STRN: variants seen among roughly 807,000 people sequenced by gnomAD.
STRN encodes the protein striatin.
STRN carries 53 observed loss-of-function variants against 96.3 expected under a neutral mutation model. That is an observed-to-expected ratio of 0.55 (90% CI 0.44 to 0.69). STRN has a LOEUF of 0.69. STRN is among the 30% of genes least tolerant of loss of function. STRN has a pLI of 0.00. For synonymous variants in STRN, 428 were observed against 355.9 expected, an observed-to-expected ratio of 1.20 and a Z score of -2.28; for missense variants, 987 against 963.9, an observed-to-expected ratio of 1.02 and a Z score of -0.32.
chr2:36,875,964 A>AT (rs76479105), intron 10 of STRN, among the ~76,000 whole-genome samples: 1 of 152,020 alleles, frequency 6.6e-6, no homozygotes, highest in Non-Finnish European at 1.5e-5. Context: ...CTTACAAATG[A>AT]TTTTTTTTAA....
intron 5 of STRN, among the ~76,000 whole-genome samples, chr2:36,900,934 C>T (rs1165376001): frequency 6.6e-6 from 1 of 151,056 alleles, no homozygotes; most frequent in Non-Finnish European, 1.5e-5. Flanking sequence ...AGTAAAGATT[C>T]CAATGGCCAG....
At chr2:36,878,702 T>G (rs1464973621) in intron 9 of STRN, among the ~76,000 whole-genome samples, 1 of 152,166 alleles carries the variant, frequency 6.6e-6, no homozygotes, top group Non-Finnish European at 1.5e-5. Context: ...AGCACTCTTC[T>G]GTAGGTATAT....
chr2:36,965,195 TAAAAC>T (rs1665129207), intron 1 of STRN, among the ~76,000 whole-genome samples: 1 of 152,100 alleles, frequency 6.6e-6, no homozygotes, highest in South Asian at 2.1e-4. Context: ...TTTTGCCAAC[TAAAAC>T]TATACTCAAA....
At chr2:36,911,607 T>C (rs761411776) in intron 3 of STRN, among the ~76,000 whole-genome samples, 1 of 152,198 alleles carries the variant, frequency 6.6e-6, no homozygotes, top group Non-Finnish European at 1.5e-5. Flanking sequence ...AAAAGTTTGC[T>C]GACCTGCTCT....
intron 9 of STRN, among the ~76,000 whole-genome samples, chr2:36,880,627 C>A (rs1386296251): frequency 6.6e-6 from 1 of 152,126 alleles, no homozygotes; most frequent in East Asian, 1.9e-4. Context: ...CAACTCTAAA[C>A]ATTTACTAAT....
chr2:36,871,978 T>C (rs1668772633), intron 10 of STRN, among the ~76,000 whole-genome samples: 1 of 152,250 alleles, frequency 6.6e-6, no homozygotes, highest in African/African-American at 2.4e-5. Flanking sequence ...CTGGTTATTC[T>C]GGAAGAAGAA....
At chr2:36,904,683 A>G (rs1010239411) in intron 4 of STRN, among the ~76,000 whole-genome samples, 1 of 152,024 alleles carries the variant, frequency 6.6e-6, no homozygotes, top group Non-Finnish European at 1.5e-5. Context: ...AAAAAATGAG[A>G]CAGGCATAGA....
intron 3 of STRN, among the ~76,000 whole-genome samples, chr2:36,911,925 G>C (rs938489658): frequency 6.6e-6 from 1 of 152,100 alleles, no homozygotes; most frequent in African/African-American, 2.4e-5. Flanking sequence ...TTTACCATTA[G>C]CATTTTAAAC....
chr2:36,965,614 T>C (rs1293175353), intron 1 of STRN, among the ~76,000 whole-genome samples: 8 of 151,168 alleles, frequency 5.3e-5, no homozygotes, highest in Admixed American at 5.3e-4. Flanking sequence ...ATGCATTAAT[T>C]GGAAATACCT....
intron 12 of STRN, among the ~76,000 whole-genome samples, chr2:36,862,084 T>C (rs890713037): frequency 2.6e-5 from 4 of 152,218 alleles, no homozygotes; most frequent in African/African-American, 9.7e-5. Context: ...ATGATTTTCC[T>C]GCAAAGGACA....
chr2:36,944,327 A>G (rs1670925769), intron 1 of STRN, among the ~76,000 whole-genome samples: 3 of 152,174 alleles, frequency 2.0e-5, no homozygotes, highest in Admixed American at 6.6e-5. Context: ...CAAGGTGGGC[A>G]CTCCTCATAG....
rs1667945840 is a variant in STRN, at chr2:36,841,312, C to T, written c.*8144G>A. ...TCTGACCCTGAGATATACAAGGAAA[C>T]TGAACAAATACCAGGCAGCAAAATA... On this transcript the variant is annotated 3_prime_UTR_variant, in exon 18 of 18. Coordinates refer to ENST00000263918, the MANE Select transcript of STRN (RefSeq NM_003162.4). The T allele has an allele frequency of 6.6e-6, 1 of 151,920 alleles. No individual in the cohort carries two copies. The highest frequency in any genetic ancestry group is 2.1e-4 in the South Asian group (1 of 4,824). The allele number at this position is 151,920 out of a possible 1,614,324, so 9.4% of individuals were successfully genotyped here. A position where few individuals can be genotyped will look rare whatever the true frequency, so the allele number is the denominator to read the frequency against.
rs1340563025 is a variant in STRN at position 36,842,162 on chromosome 2, A to C, written c.*7294T>G. The C allele has an allele frequency of 6.6e-6, 1 of 152,164 alleles. No homozygotes were observed. The highest frequency in any genetic ancestry group is 2.4e-5 in the African/African-American group (1 of 41,448). The allele number at this position is 152,164 out of a possible 1,614,324, so 9.4% of individuals were successfully genotyped here. On this transcript the variant is annotated 3_prime_UTR_variant, in exon 18 of 18. Transcript: ENST00000263918. ...CACAAGCTGTTTATTTCTACAACTCACGATTAATGTAAAACGTTGCTTTCC... is the reference window on the plus strand; with the variant it reads ...CACAAGCTGTTTATTTCTACAACTCCCGATTAATGTAAAACGTTGCTTTCC...
intron 3 of STRN, 82 bp from the exon 4 acceptor site, chr2:36,905,700 CATTT>C: frequency 8.5e-7 from 1 of 1,181,728 alleles, no homozygotes; most frequent in Non-Finnish European, 1.3e-6. Context: ...GTCCAATAAA[CATTT>C]ATAAGATTAA....
intron 2 of STRN, among the ~76,000 whole-genome samples, chr2:36,917,049 AAAT>A (rs1670119818): frequency 1.4e-5 from 2 of 146,482 alleles, no homozygotes; most frequent in African/African-American, 5.4e-5. Context: ...ATCAATAAAA[AAAT>A]AAAAAATAAA....
chr2:36,935,123 A>G (rs1249529911), intron 1 of STRN, among the ~76,000 whole-genome samples: 1 of 152,216 alleles, frequency 6.6e-6, no homozygotes, highest in Non-Finnish European at 1.5e-5. Flanking sequence ...TAAAAAAATA[A>G]GTAGACAGTT....
chr2:36,880,963 G>C (rs558849330), intron 9 of STRN, among the ~76,000 whole-genome samples: 1 of 152,018 alleles, frequency 6.6e-6, no homozygotes, highest in African/African-American at 2.4e-5. Flanking sequence ...GCAATAATAA[G>C]CATCACTGTT....
At chr2:36,874,439 T>C (rs572331995) in intron 10 of STRN, among the ~76,000 whole-genome samples, 32 of 152,060 alleles carry the variant, frequency 2.1e-4, no homozygotes, top group Non-Finnish European at 4.7e-4. Context: ...CATATAACTA[T>C]GTTCCAAAAA....
intron 3 of STRN, among the ~76,000 whole-genome samples, chr2:36,909,803 T>A (rs1463199851): frequency 6.6e-6 from 1 of 151,906 alleles, no homozygotes; most frequent in Non-Finnish European, 1.5e-5. Flanking sequence ...GAGAAAAAGG[T>A]CACATTATAC....
Sources: allele counts gnomAD v4.1 joint callset (sites outside exome capture counted in the v4.1 genomes callset), GRCh38; gene constraint gnomAD v4.1.1; transcripts MANE v1.5; gene names NCBI Gene and HGNC (gene_info 2026-07-23, HGNC 2026-07-21).